SCN9A: variants seen among roughly 807,000 people sequenced by gnomAD.
The protein encoded by SCN9A is sodium voltage-gated channel alpha subunit 9.
A neutral mutation model predicts 187.0 loss-of-function variants in SCN9A; 131 were observed. The ratio of observed to expected loss-of-function variants is 0.70; its 90% CI spans 0.61 to 0.81. The LOEUF (loss-of-function observed/expected upper bound fraction) is 0.81. Among genes scored for constraint, SCN9A ranks in the 30% least tolerant of loss-of-function variants. The pLI, the probability that SCN9A is intolerant of heterozygous loss-of-function variation, is 0.00. For synonymous variants in SCN9A, 809 were observed against 808.6 expected, an observed-to-expected ratio of 1.00 and a Z score of -0.01; for missense variants, 2,252 against 2,396.6, an observed-to-expected ratio of 0.94 and a Z score of 1.26.
intron 17 of SCN9A, among the ~76,000 whole-genome samples, chr2:166,258,586 A>G (rs1433457994): frequency 6.6e-6 from 1 of 151,624 alleles, no homozygotes; most frequent in Non-Finnish European, 1.5e-5. Context: ...GCATAAAACC[A>G]TTTCAAAATG....
At chr2:166,227,801 A>C in intron 22 of SCN9A, 78 bp from the exon 23 acceptor site, 1 of 756,162 alleles carries the variant, frequency 1.3e-6, no homozygotes. Context: ...TTGTCTGTTT[A>C]ATGTTACCAC....
In SCN9A at chr2:166,322,234, C is replaced by A. The variant is rs1255766305; in HGVS notation, c.-50-10428G>T. ...TCTTAATTTGGAGCTTTTGTAAAAT[C>A]TTTAATATACAGCTCGATTTCCATT... On this transcript the variant is annotated intron_variant, in intron 1 of 26. Transcript: ENST00000642356. 2.0e-5 allele frequency among the ~76,000 whole-genome samples: 3 copies of A among 152,096 alleles called. No homozygotes were observed. In the East Asian group the frequency reaches 5.8e-4, roughly 29 times the overall value.
chr2:166,284,662 A>G lies in SCN9A; in HGVS notation c.1765T>C (p.Phe589Leu). 6.2e-7 allele frequency: 1 copy of G among 1,613,948 alleles called. No homozygotes were observed. The highest frequency in any genetic ancestry group is 8.5e-7 in the Non-Finnish European group (1 of 1,179,862). ...CGCTCCTGGGGTCTGTGGGGCACAA[A>G]CAGTGAGCCCCTTCTGCTCTCATTG... Reference protein sequence around the residue: ...GDNESRRGSLFVPHRPQERRS... With the variant: ...GDNESRRGSLLVPHRPQERRS... The change falls in exon 12 of 27, where the codon TTT becomes CTT. Residue 589 changes from phenylalanine to leucine, a missense_variant. Physicochemically the swap from Phe to Leu is conservative, Grantham distance 22. This residue lies in a region of SCN9A where 1,013 missense variants were observed against 997.4 expected (regional missense o/e 1.02). Coordinates refer to ENST00000642356, the MANE Select transcript of SCN9A (RefSeq NM_001365536.1).
intron 13 of SCN9A, 53 bp downstream of exon 13, chr2:166,281,626 T>C (rs541457340): frequency 1.9e-6 from 3 of 1,544,682 alleles, no homozygotes; most frequent in African/African-American, 1.4e-5. Flanking sequence ...GTTGACCAGA[T>C]TTATGTTAAT....
Position 166,313,059 on chromosome 2 carries a change from T to TTA in SCN9A, c.-50-1255_-50-1254dup, listed in dbSNP as rs375344768. Among the ~76,000 whole-genome samples the TTA allele has an allele frequency of 5.9e-5, 5 of 84,262 alleles. No homozygotes were observed. The South Asian group carries it at 1.5e-3, about 26-fold the overall frequency. 55.3% of individuals were successfully genotyped at this position (84,262 alleles called of 152,430 possible). ...ATTTTCTGAATAGTAAAGAATATAA[T>TTA]TATTTAATTTTCTGAATAGTAAATA... On this transcript the variant is annotated intron_variant, in intron 1 of 26. Coordinates refer to ENST00000642356, the MANE Select transcript of SCN9A (RefSeq NM_001365536.1).
intron 17 of SCN9A, among the ~76,000 whole-genome samples, chr2:166,261,316 G>T (rs187799774): frequency 1.1e-3 from 164 of 151,978 alleles, no homozygotes; most frequent in African/African-American, 3.9e-3. Flanking sequence ...TTGTTGTTAG[G>T]GGTGGCCATG....
At chr2:166,241,256 A>T (rs1695554035) in intron 19 of SCN9A, among the ~76,000 whole-genome samples, 2 of 152,076 alleles carry the variant, frequency 1.3e-5, no homozygotes, top group South Asian at 2.1e-4. Flanking sequence ...CTGGGCTCCT[A>T]ATGGCTTCTA....
chr2:166,352,144 G>A (rs1458419257), intron 1 of SCN9A, among the ~76,000 whole-genome samples: 3 of 152,126 alleles, frequency 2.0e-5, no homozygotes, highest in African/African-American at 7.2e-5. Flanking sequence ...ATTGGTAAGT[G>A]TGCCTATTAT....
In SCN9A at chr2:166,278,267, G is replaced by A. The variant is rs1041657520; in HGVS notation, c.2390C>T (p.Ala797Val). Residue 797 changes from alanine to valine, a missense_variant, in exon 15 of 27, where the codon GCC becomes GTC. Physicochemically the swap from Ala to Val is moderately conservative, Grantham distance 64 (BLOSUM62 0). Transcript: ENST00000642356. ...FAAEMVLKLI[A>V]MDPYEYFQVG... ...TTGGAAATACTCATATGGATCCATG[G>A]CAATCAGTTTTAATACCATTTCAGC... 1.2e-6 allele frequency: 2 copies of A among 1,611,356 alleles called. No homozygotes were observed. The highest frequency in any genetic ancestry group is 2.2e-5 in the East Asian group (1 of 44,702).
intron 24 of SCN9A, among the ~76,000 whole-genome samples, chr2:166,216,662 T>C (rs954026254): frequency 6.6e-6 from 1 of 151,770 alleles, no homozygotes; most frequent in Admixed American, 6.6e-5. Context: ...ATAAAATACT[T>C]TGAAGTAAAT....
chr2:166,294,747 C>T (rs1223186195), intron 7 of SCN9A, 85 bp from the exon 8 acceptor site: 11 of 841,008 alleles, frequency 1.3e-5, no homozygotes, highest in Non-Finnish European at 2.0e-5. Flanking sequence ...TTGATATAGA[C>T]ATTTATCTAC....
chr2:166,356,738 ACCTT>A (rs1700159408), intron 1 of SCN9A, among the ~76,000 whole-genome samples: 1 of 152,156 alleles, frequency 6.6e-6, no homozygotes, highest in Non-Finnish European at 1.5e-5. Flanking sequence ...ATTGTTTCAT[ACCTT>A]CCTTCGTCAC....
chr2:166,235,294 T>A (rs1043962448), intron 20 of SCN9A, among the ~76,000 whole-genome samples: 6 of 152,062 alleles, frequency 3.9e-5, no homozygotes, highest in African/African-American at 1.4e-4. Flanking sequence ...ATGGTATAGT[T>A]TGTAACTGAG....
At chr2:166,305,517 C>T (rs1372406543) in intron 5 of SCN9A, among the ~76,000 whole-genome samples, 3 of 152,112 alleles carry the variant, frequency 2.0e-5, no homozygotes, top group African/African-American at 4.8e-5. Flanking sequence ...AAAGTGTAAA[C>T]CTAATTGGCA....
chr2:166,276,279 T>C (rs937024772), intron 16 of SCN9A: 1 of 152,176 alleles, frequency 6.6e-6, no homozygotes, highest in Admixed American at 6.5e-5. Flanking sequence ...GGCCAAATGA[T>C]AAATATTTTA....
chr2:166,309,018 G>A lies in SCN9A; in HGVS notation c.259-1944C>T, dbSNP rs150023650. 7.9e-5 allele frequency among the ~76,000 whole-genome samples: 12 copies of A among 151,444 alleles called. No homozygotes were observed. In the East Asian group the frequency reaches 1.5e-3, roughly 20 times the overall value. On this transcript the variant is annotated intron_variant, in intron 2 of 26. Transcript: ENST00000642356. Reference sequence around the variant, plus strand: ...AGGAGTTTGAACAAAAATAAGGCATGAGTTTTGTATTCAAGGAACTTCCTA... The same window carrying A: ...AGGAGTTTGAACAAAAATAAGGCATAAGTTTTGTATTCAAGGAACTTCCTA...
At chr2:166,338,073 T>C (rs1699672622) in intron 1 of SCN9A, among the ~76,000 whole-genome samples, 1 of 151,744 alleles carries the variant, frequency 6.6e-6, no homozygotes, top group Admixed American at 6.6e-5. Context: ...AACGGAGGAG[T>C]AGTGCCAGGC....
At chr2:166,214,343 C>G (rs758452291) in intron 24 of SCN9A, among the ~76,000 whole-genome samples, 140 of 152,168 alleles carry the variant, frequency 9.2e-4, no homozygotes, top group Non-Finnish European at 1.8e-3. Context: ...TTAGGCTACA[C>G]GTTTTCCAGC....
At chr2:166,330,299 A>G (rs1445795103) in intron 1 of SCN9A, among the ~76,000 whole-genome samples, 1 of 151,744 alleles carries the variant, frequency 6.6e-6, no homozygotes, top group African/African-American at 2.4e-5. Flanking sequence ...ATTCTCTGCC[A>G]CTCTACCTGT....
Sources: allele counts gnomAD v4.1 joint callset (sites outside exome capture counted in the v4.1 genomes callset), GRCh38; gene constraint gnomAD v4.1.1; regional missense constraint gnomAD v4.1.1; transcripts MANE v1.5; gene names NCBI Gene and HGNC (gene_info 2026-07-23, HGNC 2026-07-21).